Variants in DNAJB6 observed in about 807,000 individuals in gnomAD.
DNAJB6 encodes the protein dnaJ homolog subfamily B member 6.
A neutral mutation model predicts 42.7 loss-of-function variants in DNAJB6; 16 were observed. The ratio of observed to expected loss-of-function variants is 0.37; its 90% CI spans 0.25 to 0.57. The LOEUF is 0.57. Ranked by LOEUF, DNAJB6 falls within the 20% of genes least tolerant of loss-of-function variation. DNAJB6 has a pLI of 0.74. For missense variants in DNAJB6, 347 were observed against 416.8 expected, an observed-to-expected ratio of 0.83 and a Z score of 1.46; for synonymous variants, 170 against 163.5, an observed-to-expected ratio of 1.04 and a Z score of -0.30.
At chr7:157,397,132 G>A (rs927897998) in intron 8 of DNAJB6, among the ~76,000 whole-genome samples, 3 of 152,198 alleles carry the variant, frequency 2.0e-5, no homozygotes, top group Non-Finnish European at 2.9e-5. Flanking sequence ...CTGCCCCTGC[G>A]AGGCCCGTGT....
intron 8 of DNAJB6, among the ~76,000 whole-genome samples, chr7:157,397,446 C>T (rs1801645573): frequency 6.6e-6 from 1 of 152,180 alleles, no homozygotes; most frequent in African/African-American, 2.4e-5. Flanking sequence ...AGTGGGGATG[C>T]CAACCCCAGC....
At chr7:157,390,712 A>G (rs181914523) in intron 8 of DNAJB6, among the ~76,000 whole-genome samples, 1 of 152,180 alleles carries the variant, frequency 6.6e-6, no homozygotes, top group Non-Finnish European at 1.5e-5. Flanking sequence ...CTGCCTTCCC[A>G]CAGCTGCCCT....
chr7:157,358,720 G>A (rs1799433334), intron 2 of DNAJB6, 83 bp downstream of exon 2: 1 of 1,139,840 alleles, frequency 8.8e-7, no homozygotes, highest in Non-Finnish European at 1.3e-6. Context: ...TATTGCCTAT[G>A]AAAATGGCTT....
intron 1 of DNAJB6, among the ~76,000 whole-genome samples, chr7:157,353,393 T>A (rs561866563): frequency 6.6e-6 from 1 of 151,804 alleles, no homozygotes; most frequent in Non-Finnish European, 1.5e-5. Context: ...CTGTGGTAAC[T>A]GTGGTGAATT....
Position 157,401,062 on chromosome 7 carries a change from G to A in DNAJB6, c.692-8733G>A, listed in dbSNP as rs140795211. ...CGAAGCCCCGGGTTTTGATGGTGCC[G>A]GCAGCTGTCGGCCTCCTCGCCTCTG... On this transcript the variant is annotated intron_variant, in intron 8 of 9. Coordinates refer to ENST00000262177, the MANE Select transcript of DNAJB6 (RefSeq NM_058246.4). Among the ~76,000 whole-genome samples the A allele has an allele frequency of 2.4e-3, 360 of 152,250 alleles. 1 individual carries two copies. The highest frequency in any genetic ancestry group is 4.5e-3 in the Non-Finnish European group (303 of 68,020).
At chr7:157,396,934 T>C (rs938813765) in intron 8 of DNAJB6, among the ~76,000 whole-genome samples, 1 of 152,108 alleles carries the variant, frequency 6.6e-6, no homozygotes, top group African/African-American at 2.4e-5. Context: ...TTGGTTTCCA[T>C]CTGAAAGGGG....
rs774044766 is a variant in DNAJB6 at position 157,367,382 on chromosome 7, A to G, written c.245A>G (p.His82Arg). 8 of 1,609,440 alleles carry G rather than the reference A, an allele frequency of 5.0e-6. No individual in the cohort carries two copies. In the South Asian group the frequency reaches 7.7e-5, roughly 15 times the overall value. The change falls in exon 5 of 10, where the codon CAT (histidine) becomes CGT (arginine). Residue 82 changes from histidine to arginine, a missense_variant. His to Arg is a conservative substitution (Grantham distance 29). Around this residue, in one of 3 missense-constraint regions of DNAJB6, gnomAD observed 78 missense variants for 102.1 expected, o/e 0.76. Transcript: ENST00000262177. ...TGTTGTATTTGTGCAGGTGGAAGTC[A>G]TTTTGACAGTCCATTTGAATTTGGC... ...GLNGGGGGGS[H>R]FDSPFEFGFT...
chr7:157,352,223 A>G (rs1799022334), intron 1 of DNAJB6, among the ~76,000 whole-genome samples: 1 of 151,888 alleles, frequency 6.6e-6, no homozygotes, highest in Non-Finnish European at 1.5e-5. Context: ...CAGCTACTCC[A>G]GAGGCTGAGA....
chr7:157,363,248 G>A lies in DNAJB6; in HGVS notation c.153G>A (p.Glu51=). Residue 51 remains glutamate (E), a synonymous_variant, in exon 3 of 10, where the codon GAG becomes GAA. Coordinates refer to ENST00000262177, the MANE Select transcript of DNAJB6 (RefSeq NM_058246.4). ...EAERKFKQVA[E]AYEVLSDAKK... ...AGAGAAAATTCAAGCAAGTAGCGGA[G>A]GCATATGAAGTGCTGTCGGATGGTG... 6.2e-7 allele frequency: 1 copy of A among 1,610,578 alleles called. No homozygotes were observed. Among genetic ancestry groups the A allele is most frequent in the African/African-American group, 1.3e-5 (1 of 75,016 alleles).
chr7:157,416,455 GCTAA>G lies in DNAJB6; in HGVS notation c.*360_*363del, dbSNP rs139354905. On this transcript the variant is annotated 3_prime_UTR_variant, in exon 10 of 10. Transcript: ENST00000262177. ...TTAGAAGTACAGGAGGGCGCAGATGGCTAACTGAGTAACATTCATGAAATGAGGC... is the reference window on the plus strand; with the variant it reads ...TTAGAAGTACAGGAGGGCGCAGATGGCTGAGTAACATTCATGAAATGAGGC... The G allele has an allele frequency of 5.3e-3, 1,209 of 227,868 alleles. 20 individuals carry two copies. Among genetic ancestry groups the G allele is most frequent in the African/African-American group, 0.025 (1,130 of 44,700 alleles). 14.1% of individuals were successfully genotyped at this position (227,868 alleles called of 1,614,324 possible).
chr7:157,388,309 A>T (rs1468208959), intron 8 of DNAJB6, among the ~76,000 whole-genome samples: 1 of 152,240 alleles, frequency 6.6e-6, no homozygotes. Flanking sequence ...GCATGAGAGT[A>T]CCTTTGAAAA....
chr7:157,403,195 TACA>T (rs1359695226), intron 8 of DNAJB6, among the ~76,000 whole-genome samples: 102 of 152,264 alleles, frequency 6.7e-4, no homozygotes, highest in African/African-American at 2.3e-3. Context: ...TTTCACTGAA[TACA>T]CAATCCACAT....
chr7:157,340,138 G>A (rs766396474), intron 1 of DNAJB6: 4 of 152,230 alleles, frequency 2.6e-5, no homozygotes, highest in Non-Finnish European at 5.9e-5. Context: ...TTTGTGAGTT[G>A]ACGTTTTGAC....
intron 3 of DNAJB6, among the ~76,000 whole-genome samples, chr7:157,365,135 T>C (rs1799781169): frequency 1.3e-5 from 2 of 152,116 alleles, no homozygotes; most frequent in Admixed American, 6.5e-5. Context: ...TGTATTGTGT[T>C]TAAAGGTGGG....
At chr7:157,369,472 C>G (rs1413802978) in intron 5 of DNAJB6, 2 of 454,802 alleles carry the variant, frequency 4.4e-6, no homozygotes, top group African/African-American at 4.0e-5. Context: ...CTGGGGCACA[C>G]GAGGTGAAAC....
In DNAJB6 at chr7:157,389,273, T is replaced by C. The variant is rs192816153; in HGVS notation, c.691+3662T>C. ...AATACTGATCTTGTTTTAAGCACTA[T>C]AGAATGAATTAGAAACATTTTTATT... On this transcript the variant is annotated intron_variant, in intron 8 of 9. Coordinates refer to ENST00000262177, the MANE Select transcript of DNAJB6 (RefSeq NM_058246.4). 1.4e-4 allele frequency among the ~76,000 whole-genome samples: 21 copies of C among 152,342 alleles called. No homozygotes were observed. The East Asian group carries it at 4.0e-3, about 29-fold the overall frequency.
At chr7:157,409,135 ATTTC>A (rs1258554310) in intron 8 of DNAJB6, among the ~76,000 whole-genome samples, 3 of 151,876 alleles carry the variant, frequency 2.0e-5, no homozygotes, top group African/African-American at 7.3e-5. Context: ...TTTTTTCCAT[ATTTC>A]TTTTTTTTAA....
intron 1 of DNAJB6, among the ~76,000 whole-genome samples, chr7:157,344,618 A>G (rs1798590632): frequency 6.6e-6 from 1 of 152,178 alleles, no homozygotes; most frequent in Non-Finnish European, 1.5e-5. Flanking sequence ...ATTTAAAAAA[A>G]AATTTATTAT....
intron 5 of DNAJB6, chr7:157,379,685 A>ATG (rs919092955): frequency 3.3e-5 from 5 of 152,120 alleles, no homozygotes; most frequent in African/African-American, 4.8e-5. Flanking sequence ...GGGTCTTGCT[A>ATG]TGTTGCCCAG....
Sources: gnomAD v4.1 joint callset for allele counts (sites outside exome capture counted in the v4.1 genomes callset) on GRCh38, gnomAD v4.1.1 for gene constraint, gnomAD v4.1.1 regional missense constraint, MANE v1.5 for transcripts, NCBI Gene and HGNC (gene_info 2026-07-23, HGNC 2026-07-21) for gene names.